Variants in ITPK1 observed in about 807,000 individuals in gnomAD.
ITPK1 encodes the protein inositol-tetrakisphosphate 1-kinase, also known as inositol 1,3,4-trisphosphate 5/6-kinase.
Under a neutral mutation model 45.3 loss-of-function variants are expected in ITPK1, and 21 were observed. The ratio of observed to expected loss-of-function variants is 0.46; its 90% CI spans 0.33 to 0.67. ITPK1 has a LOEUF of 0.67. Ranked by LOEUF, ITPK1 falls within the 30% of genes least tolerant of loss-of-function variation. The pLI, the probability that ITPK1 is intolerant of heterozygous loss-of-function variation, is 0.02. For synonymous variants in ITPK1, 258 were observed against 253.6 expected (o/e 1.02, Z -0.16); for missense variants, 474 against 573.5 (o/e 0.83, Z 1.77).
Position 93,063,847 on chromosome 14 carries a change from TCTC to T in ITPK1, c.120+12745_120+12747del, listed in dbSNP as rs1316822495. ...CAGTAGACGAGGCACACACAGGAGTTCTCACTGCTGCTGCCTGGGCTGCTCATA... is the reference window on the plus strand; with the variant it reads ...CAGTAGACGAGGCACACACAGGAGTTACTGCTGCTGCCTGGGCTGCTCATA... On this transcript the variant is annotated intron_variant, in intron 3 of 10. Coordinates refer to ENST00000267615, the MANE Select transcript of ITPK1 (RefSeq NM_014216.6). The surrounding 1 kb of genome is among the most constrained non-coding windows in gnomAD (Gnocchi z 4.3). Among the ~76,000 whole-genome samples, 3 of 152,190 alleles carry T rather than the reference TCTC, an allele frequency of 2.0e-5. No homozygotes were observed. The highest frequency in any genetic ancestry group is 4.8e-5 in the African/African-American group (2 of 41,454).
intron 3 of ITPK1, among the ~76,000 whole-genome samples, chr14:93,048,885 G>A (rs1889894622): frequency 6.6e-6 from 1 of 152,128 alleles, no homozygotes. Flanking sequence ...GGAGCCAGAG[G>A]TTGCAGTGAG....
At chr14:93,080,134 G>C (rs1004547042) in intron 2 of ITPK1, among the ~76,000 whole-genome samples, 2 of 152,196 alleles carry the variant, frequency 1.3e-5, no homozygotes, top group Admixed American at 6.5e-5. Flanking sequence ...GTGTGAAACA[G>C]GTAAGATGCA....
chr14:93,091,067 G>C (rs904903601), intron 2 of ITPK1, among the ~76,000 whole-genome samples: 2 of 152,214 alleles, frequency 1.3e-5, no homozygotes, highest in Non-Finnish European at 2.9e-5. Context: ...ACCGTGTGCT[G>C]GAAGGAAAGG....
At chr14:93,072,973 C>T (rs1454943218) in intron 3 of ITPK1, among the ~76,000 whole-genome samples, 1 of 152,228 alleles carries the variant, frequency 6.6e-6, no homozygotes, top group Non-Finnish European at 1.5e-5. Flanking sequence ...CTCCCTGGCC[C>T]CAGGATGACA....
chr14:93,098,541 T>C (rs895276519), intron 2 of ITPK1, among the ~76,000 whole-genome samples: 3 of 151,744 alleles, frequency 2.0e-5, no homozygotes, highest in East Asian at 1.9e-4. Context: ...GGCACAAGAA[T>C]TGCTTGTCCA....
Position 93,076,466 on chromosome 14 carries a change from C to T in ITPK1, c.120+129G>A. ...AAACCACATCAAATCCACAGGGGAG[C>T]TAAAAACAAGCTGCACGTGAAGAAG... On this transcript the variant is annotated intron_variant, in intron 3 of 10. Transcript: ENST00000267615. The surrounding 1 kb of genome is among the most constrained non-coding windows in gnomAD (Gnocchi z 4.3). 1 of 1,073,492 alleles carries T rather than the reference C, an allele frequency of 9.3e-7. No individual in the cohort carries two copies. The highest frequency in any genetic ancestry group is 1.4e-6 in the Non-Finnish European group (1 of 716,446). 66.5% of individuals were successfully genotyped at this position (1,073,492 alleles called of 1,614,324 possible).
At chr14:93,044,410 G>A (rs1362132403) in intron 3 of ITPK1, among the ~76,000 whole-genome samples, 5 of 152,250 alleles carry the variant, frequency 3.3e-5, no homozygotes, top group Non-Finnish European at 7.3e-5. Flanking sequence ...AGTTTGTGCT[G>A]GCGATTACTG....
intron 9 of ITPK1, among the ~76,000 whole-genome samples, chr14:92,949,607 A>T (rs913297090): frequency 1.3e-5 from 2 of 152,190 alleles, no homozygotes; most frequent in Admixed American, 1.3e-4. Flanking sequence ...GCCCCAGTAA[A>T]TGGGGTAATA....
chr14:92,943,982 C>A (rs1008347537), intron 10 of ITPK1, among the ~76,000 whole-genome samples: 2 of 152,236 alleles, frequency 1.3e-5, no homozygotes, highest in African/African-American at 4.8e-5. Flanking sequence ...TTTGGACAAG[C>A]CACTCAACCC....
intron 4 of ITPK1, among the ~76,000 whole-genome samples, chr14:93,015,707 T>C (rs1244823781): frequency 6.6e-6 from 1 of 151,982 alleles, no homozygotes; most frequent in East Asian, 1.9e-4. Context: ...CACTTCCTGG[T>C]GGGAAGCAGG....
At chr14:93,011,025 A>T (rs1390711438) in intron 4 of ITPK1, among the ~76,000 whole-genome samples, 1 of 152,240 alleles carries the variant, frequency 6.6e-6, no homozygotes, top group Non-Finnish European at 1.5e-5. Flanking sequence ...CGCAAATTTT[A>T]ATTAGTTTAA....
intron 3 of ITPK1, among the ~76,000 whole-genome samples, chr14:93,024,130 A>G (rs1888610331): frequency 6.6e-6 from 1 of 150,916 alleles, no homozygotes; most frequent in African/African-American, 2.5e-5. Flanking sequence ...ACAAAGCCTG[A>G]CCGCCCTGTG....
rs1329217493 is a variant in ITPK1, at chr14:93,063,225, T to G, written c.120+13370A>C. Among the ~76,000 whole-genome samples, 1 of 152,124 alleles carries G rather than the reference T, an allele frequency of 6.6e-6. No homozygotes were observed. Among genetic ancestry groups the G allele is most frequent in the Non-Finnish European group, 1.5e-5 (1 of 68,024 alleles). ...TACTTGGCAGGGCCTGCGGCAAAAA[T>G]ACTGCCTGGGCAAGGAAGGGAGTGA... On this transcript the variant is annotated intron_variant, in intron 3 of 10. Transcript: ENST00000267615. The surrounding 1 kb of genome is among the most constrained non-coding windows in gnomAD (Gnocchi z 4.3).
Position 92,946,566 on chromosome 14 carries a change from C to G in ITPK1, c.739-73G>C, listed in dbSNP as rs116409277. On this transcript the variant is annotated intron_variant, in intron 9 of 10. Transcript: ENST00000267615. Reference sequence around the variant, plus strand: ...AGCCACACCACACAGACAGACCCCCCACACCAGCTGCCACGAGGCCCTGGC... The same window carrying G: ...AGCCACACCACACAGACAGACCCCCGACACCAGCTGCCACGAGGCCCTGGC... The G allele has an allele frequency of 4.2e-6, 6 of 1,442,894 alleles. No individual in the cohort carries two copies. The Admixed American group carries it at 5.4e-5, about 13-fold the overall frequency. The allele number at this position is 1,442,894 out of a possible 1,614,324, so 89.4% of individuals were successfully genotyped here.
rs1399108075 is a variant in ITPK1 at position 93,036,173 on chromosome 14, CA to C, written c.121-19373del. On this transcript the variant is annotated intron_variant, in intron 3 of 10. Transcript: ENST00000267615. This position sits in a 1 kb window ranked among gnomAD's most constrained non-coding sequence, Gnocchi z 4.1. Reference sequence around the variant, plus strand: ...CCCAGGAGCCCAAGGTCGGTAACTTCAAGAGCTGCGGGGAGCAGAGGCCACA... The same window carrying C: ...CCCAGGAGCCCAAGGTCGGTAACTTCAGAGCTGCGGGGAGCAGAGGCCACA... Among the ~76,000 whole-genome samples, 6 of 152,234 alleles carry C rather than the reference CA, an allele frequency of 3.9e-5. No homozygotes were observed. In the East Asian group the frequency reaches 1.2e-3, roughly 29 times the overall value.
intron 8 of ITPK1, among the ~76,000 whole-genome samples, chr14:92,954,050 C>G (rs577384488): frequency 6.6e-6 from 1 of 152,284 alleles, no homozygotes; most frequent in African/African-American, 2.4e-5. Context: ...CCTGCCACCA[C>G]GCCTGGCTAA....
chr14:93,076,725 G>A lies in ITPK1; in HGVS notation c.96-106C>T. On this transcript the variant is annotated intron_variant, in intron 2 of 10. Transcript: ENST00000267615. This position sits in a 1 kb window ranked among gnomAD's most constrained non-coding sequence, Gnocchi z 4.3. ...AGGGCAGGACCATGAGAGGGTTTCA[G>A]GAGGGAGCCGGCAGCTGCGCCTCTC... is the stretch of plus-strand genomic sequence containing the variant. 1 of 1,348,168 alleles carries A rather than the reference G, an allele frequency of 7.4e-7. No individual in the cohort carries two copies. The allele number at this position is 1,348,168 out of a possible 1,614,324, so 83.5% of individuals were successfully genotyped here.
At chr14:93,004,866 G>C (rs1887534342) in intron 4 of ITPK1, among the ~76,000 whole-genome samples, 2 of 151,816 alleles carry the variant, frequency 1.3e-5, no homozygotes, top group Admixed American at 1.3e-4. Context: ...TGGGCCAGGG[G>C]AGAAAGGGTA....
At chr14:92,974,964 G>T (rs371951598) in intron 5 of ITPK1, among the ~76,000 whole-genome samples, 25 of 152,356 alleles carry the variant, frequency 1.6e-4, no homozygotes, top group African/African-American at 5.8e-4. Context: ...AGGGCACAGG[G>T]GCTAGGGCAG....
Sources: allele counts gnomAD v4.1 joint callset (sites outside exome capture counted in the v4.1 genomes callset), GRCh38; gene constraint gnomAD v4.1.1; non-coding constraint Gnocchi (gnomAD v3.1); transcripts MANE v1.5; gene names NCBI Gene and HGNC (gene_info 2026-07-23, HGNC 2026-07-21).